The following COL16A1 variants were observed in gnomAD, a reference collection of about 807,000 sequenced individuals.
COL16A1 encodes collagen alpha-1(XVI) chain.
In COL16A1, 189 loss-of-function variants were observed where a neutral mutation model predicts 266.3. The ratio of observed to expected loss-of-function variants is 0.71; its 90% CI spans 0.63 to 0.80. COL16A1 has a LOEUF of 0.80. Among genes scored for constraint, COL16A1 ranks in the 30% least tolerant of loss-of-function variants. COL16A1 has a pLI of 0.00. For synonymous variants in COL16A1, 740 were observed against 782.3 expected (o/e 0.95, Z 0.90); for missense variants, 1,928 against 2,122.4 (o/e 0.91, Z 1.80).
chr1:31,654,320 T>C (rs1213665899), intron 68 of COL16A1, among the ~76,000 whole-genome samples: 1 of 152,182 alleles, frequency 6.6e-6, no homozygotes, highest in East Asian at 1.9e-4. Context: ...CAGAATAAAG[T>C]CCGCATTCCT....
rs376264377 is a variant in COL16A1, at chr1:31,684,541, C to T, written c.2142G>A (p.Ala714=). 329 of 1,613,202 alleles carry T rather than the reference C, an allele frequency of 2.0e-4. 1 individual carries two copies. The highest frequency in any genetic ancestry group is 3.7e-4 in the African/African-American group (28 of 74,884). Residue 714 remains alanine (A), a synonymous_variant, in exon 31 of 71, where the codon GCG becomes GCA. Coordinates refer to ENST00000373672, the MANE Select transcript of COL16A1 (RefSeq NM_001856.4). ...LSGEPGVQGP[A]GPKGEKGDGC... Reference sequence around the variant, plus strand: ...GACTAACCTTTTCTCCTTTTGGCCCCGCGGGGCCCTGAACTCCAGGCTCTC... The same window carrying T: ...GACTAACCTTTTCTCCTTTTGGCCCTGCGGGGCCCTGAACTCCAGGCTCTC...
chr1:31,695,211 C>A lies in COL16A1; in HGVS notation c.956G>T (p.Cys319Phe), dbSNP rs370059272. ...ATTGCTGTCCCGGGCACCATGGACA[C>A]AGGGCGGACACTGAAAGGGAAGAGC... ...QETAADECPP[C>F]VHGARDSNVT... The change falls in exon 11 of 71, where the codon TGT (cysteine) becomes TTT (phenylalanine). Residue 319 changes from cysteine (C) to phenylalanine (F), a missense_variant. By Grantham distance (205) the Cys-to-Phe change is radical. Around this residue, in one of 2 missense-constraint regions of COL16A1, gnomAD observed 1,552 missense variants for 1,637.2 expected, o/e 0.95. Coordinates refer to ENST00000373672, the MANE Select transcript of COL16A1 (RefSeq NM_001856.4). 5.6e-6 allele frequency: 9 copies of A among 1,613,796 alleles called. No individual in the cohort carries two copies. The highest frequency in any genetic ancestry group is 6.8e-6 in the Non-Finnish European group (8 of 1,179,996).
intron 2 of COL16A1, 45 bp from the exon 3 acceptor site, chr1:31,700,160 G>A (rs1337133137): frequency 6.3e-7 from 1 of 1,596,274 alleles, no homozygotes; most frequent in Admixed American, 1.7e-5. Flanking sequence ...CTCAGGCCAA[G>A]GTTGCTGCAC....
chr1:31,654,924 T>A (rs2148644508), intron 67 of COL16A1, 66 bp from the exon 68 acceptor site: 1 of 1,550,226 alleles, frequency 6.5e-7, no homozygotes, highest in Non-Finnish European at 8.7e-7. Flanking sequence ...CCTATGGAAA[T>A]AAAGGATGGG....
chr1:31,696,182 A>C (rs925139723), intron 8 of COL16A1, 41 bp from the exon 9 acceptor site: 4 of 1,596,744 alleles, frequency 2.5e-6, no homozygotes, highest in Middle Eastern at 1.7e-4. Context: ...AGGAGGGGGA[A>C]GTTCTGGGGT....
intron 26 of COL16A1, among the ~76,000 whole-genome samples, chr1:31,686,561 A>G (rs1453267866): frequency 1.3e-5 from 2 of 152,268 alleles, no homozygotes; most frequent in Non-Finnish European, 2.9e-5. Context: ...ACAGCCTTTC[A>G]TTGGACACCT....
Position 31,684,194 on chromosome 1 carries a change from G to A in COL16A1, c.2198C>T (p.Thr733Ile). 1 of 1,534,266 alleles carries A rather than the reference G, an allele frequency of 6.5e-7. No individual in the cohort carries two copies. Among genetic ancestry groups the A allele is most frequent in the Non-Finnish European group, 8.8e-7 (1 of 1,137,814 alleles). ...GCTACPSLQG[T>I]VTDMAGRPGQ... is the part of the protein sequence containing the mutation. ...AGGCCGTCCTGCCATGTCTGTCACT[G>A]TCCCCTGCAGGCTGGGGCAGGCAGT... Residue 733 changes from threonine to isoleucine, a missense_variant, in exon 32 of 71, where the codon ACA becomes ATA. This residue lies in a region of COL16A1 where 1,552 missense variants were observed against 1,637.2 expected (regional missense o/e 0.95). Transcript: ENST00000373672.
chr1:31,691,294 T>C, intron 19 of COL16A1, 68 bp from the exon 20 acceptor site: 1 of 1,601,408 alleles, frequency 6.2e-7, no homozygotes, highest in Non-Finnish European at 8.5e-7. Context: ...TCTTCTACCC[T>C]CACCCTCTCC....
chr1:31,664,844 T>C lies in COL16A1; in HGVS notation c.3555+328A>G, dbSNP rs1641990080. ...GGAGACGAAGGTGGCCTGGGCTGCC[T>C]ATCACATTCTACTCCTCCATCAGAC... is the stretch of plus-strand genomic sequence containing the variant. On this transcript the variant is annotated intron_variant, in intron 56 of 70. Transcript: ENST00000373672. This position sits in a 1 kb window ranked among gnomAD's most constrained non-coding sequence, Gnocchi z 5.5. 6.6e-6 allele frequency among the ~76,000 whole-genome samples: 1 copy of C among 152,102 alleles called. No homozygotes were observed. The highest frequency in any genetic ancestry group is 6.5e-5 in the Admixed American group (1 of 15,274).
At chr1:31,675,095 T>A (rs888998372) in intron 43 of COL16A1, 56 bp from the exon 44 acceptor site, 17 of 1,611,970 alleles carry the variant, frequency 1.1e-5, no homozygotes, top group Middle Eastern at 3.3e-4. Context: ...CATGGAGACT[T>A]ATGGGATCAG....
Position 31,672,854 on chromosome 1 carries a change from G to T in COL16A1, c.2860-14C>A. The T allele has an allele frequency of 1.2e-6, 2 of 1,612,066 alleles. No homozygotes were observed. Among genetic ancestry groups the T allele is most frequent in the East Asian group, 2.2e-5 (1 of 44,812 alleles). Reference sequence around the variant, plus strand: ...CCCGCAGATACTCTGATCAGGGAGTGGGGAGAGGAGTGGGGCCTGGGTTAG... The same window carrying T: ...CCCGCAGATACTCTGATCAGGGAGTTGGGAGAGGAGTGGGGCCTGGGTTAG... On this transcript the variant is annotated splice_polypyrimidine_tract_variant and intron_variant, in intron 44 of 70. Coordinates refer to ENST00000373672, the MANE Select transcript of COL16A1 (RefSeq NM_001856.4).
At chr1:31,669,108 C>T (rs1397899481) in intron 49 of COL16A1, among the ~76,000 whole-genome samples, 4 of 152,078 alleles carry the variant, frequency 2.6e-5, no homozygotes, top group Non-Finnish European at 5.9e-5. Flanking sequence ...GAGATATGCC[C>T]TCCAGCAGAG....
rs1200586323 is a variant in COL16A1, at chr1:31,655,463, C to G, written c.4141G>C (p.Glu1381Gln). ...CCAGGCATGCCGGCTCTCCCCTTCT[C>G]TCCTGCCTGGCCCTTCTGTCCTGCA... ...GAAGQKGQAG[E>Q]KGRAGMPGGP... The change falls in exon 67 of 71, where the codon GAG becomes CAG. Residue 1381 changes from glutamate to glutamine, a missense_variant. Transcript: ENST00000373672. 3.1e-6 allele frequency: 5 copies of G among 1,614,224 alleles called. No homozygotes were observed. The highest frequency in any genetic ancestry group is 1.6e-4 in the Middle Eastern group (1 of 6,062).
At chr1:31,691,708 G>T in intron 17 of COL16A1, 66 bp from the exon 18 acceptor site, 1 of 1,565,730 alleles carries the variant, frequency 6.4e-7, no homozygotes, top group South Asian at 1.2e-5. Flanking sequence ...CACTGGGAGA[G>T]GTGAATGCCC....
Position 31,699,860 on chromosome 1 carries a change from C to A in COL16A1, c.219G>T (p.Gly73=). ...CCGCCCCCAGGCGCAGGATGAGAGG[C>A]CCCTTGGGGTTGCGGATCTTCTTGA... ...SAIKKIRNPK[G]PLILRLGAAP... Residue 73 remains glycine, a synonymous_variant, in exon 4 of 71, where the codon GGG becomes GGT. Transcript: ENST00000373672. The A allele has an allele frequency of 1.2e-6, 2 of 1,614,042 alleles. No homozygotes were observed. The highest frequency in any genetic ancestry group is 1.7e-6 in the Non-Finnish European group (2 of 1,179,942).
chr1:31,684,823 T>C lies in COL16A1; in HGVS notation c.2050A>G (p.Lys684Glu). The change falls in exon 30 of 71, where the codon AAG becomes GAG. Residue 684 changes from lysine to glutamate, a missense_variant and splice_region_variant. By Grantham distance (56) the Lys-to-Glu change is moderately conservative. Transcript: ENST00000373672. ...KAGERGLKGQKGDAGNPGDPG... is the reference protein window; with the variant it reads ...KAGERGLKGQEGDAGNPGDPG... ...CGTGCCCACGGACGCCCTCTCACCT[T>C]CTGCCCCTTCAGTCCACGCTCTCCA... 1 of 1,614,120 alleles carries C rather than the reference T, an allele frequency of 6.2e-7. No individual in the cohort carries two copies. The highest frequency in any genetic ancestry group is 8.5e-7 in the Non-Finnish European group (1 of 1,180,006).
chr1:31,691,502 C>T lies in COL16A1; in HGVS notation c.1313G>A (p.Gly438Asp), dbSNP rs1294079018. 5.0e-6 allele frequency: 8 copies of T among 1,613,794 alleles called. No individual in the cohort carries two copies. The highest frequency in any genetic ancestry group is 6.8e-6 in the Non-Finnish European group (8 of 1,179,784). The change falls in exon 19 of 71, where the codon GGC becomes GAC. Residue 438 changes from glycine (G) to aspartate (D), a missense_variant. By Grantham distance (94) the Gly-to-Asp change is moderately conservative. Coordinates refer to ENST00000373672, the MANE Select transcript of COL16A1 (RefSeq NM_001856.4). ...TGCCAGCCCCTCAGGCCCAACAAAG[C>T]CAGGGTCTCCCTGGCACAGACATAA... ...IGPKGQKGDPGFVGPEGLAGE... is the reference protein window; with the variant it reads ...IGPKGQKGDPDFVGPEGLAGE...
rs749794190 is a variant in COL16A1, at chr1:31,671,675, AG to A, written c.3106-17del. The A allele has an allele frequency of 1.1e-5, 18 of 1,613,872 alleles. No individual in the cohort carries two copies. The highest frequency in any genetic ancestry group is 1.5e-5 in the Non-Finnish European group (18 of 1,179,990). On this transcript the variant is annotated splice_polypyrimidine_tract_variant and intron_variant, in intron 47 of 70. Coordinates refer to ENST00000373672, the MANE Select transcript of COL16A1 (RefSeq NM_001856.4). ...CAGGCGGACCCTGCAAAGGAAGCCA[AG>A]GGAAATGGATGAAGAGGCCCAGGCC...
chr1:31,686,501 C>T, intron 26 of COL16A1: 1 of 690,444 alleles, frequency 1.4e-6, no homozygotes, highest in Non-Finnish European at 2.6e-6. Context: ...GGAATCCAGC[C>T]CACCCTCAGC....
Sources: allele counts gnomAD v4.1 joint callset (sites outside exome capture counted in the v4.1 genomes callset), GRCh38; gene constraint gnomAD v4.1.1; regional missense constraint gnomAD v4.1.1; non-coding constraint Gnocchi (gnomAD v3.1); transcripts MANE v1.5; gene names NCBI Gene and HGNC (gene_info 2026-07-23, HGNC 2026-07-21).